The following VSTM4 variants were observed in gnomAD, a reference collection of about 807,000 sequenced individuals.
VSTM4 encodes V-set and transmembrane domain-containing protein 4.
VSTM4 carries 20 observed loss-of-function variants against 36.4 expected under a neutral mutation model. The observed-to-expected ratio is 0.55, with a 90% confidence interval of 0.39 to 0.80. VSTM4 has a LOEUF of 0.80. Among genes scored for constraint, VSTM4 ranks in the 30% least tolerant of loss-of-function variants. The probability of loss-of-function intolerance (pLI) is 0.00; values close to 1 mark genes in which losing one functional copy is unlikely to be tolerated. For missense variants in VSTM4, 392 were observed against 404.5 expected (o/e 0.97, Z 0.26); for synonymous variants, 182 against 173.9 (o/e 1.05, Z -0.37).
chr10:49,101,554 G>A (rs1211565956), intron 2 of VSTM4, among the ~76,000 whole-genome samples: 2 of 152,130 alleles, frequency 1.3e-5, no homozygotes, highest in Non-Finnish European at 2.9e-5. Flanking sequence ...TTAAAACAAT[G>A]AAATATTTTT....
At chr10:49,087,913 A>ATATATATACATATGTAATATATATGTG (rs1844397277) in intron 2 of VSTM4, among the ~76,000 whole-genome samples, 1 of 147,146 alleles carries the variant, frequency 6.8e-6, no homozygotes, top group Non-Finnish European at 1.5e-5. Context: ...TTATATATGT[A>ATATATATACATATGTAATATATATGTG]TATATATACA....
chr10:49,027,794 G>A (rs1371878444), intron 7 of VSTM4, among the ~76,000 whole-genome samples: 1 of 152,232 alleles, frequency 6.6e-6, no homozygotes, highest in Non-Finnish European at 1.5e-5. Context: ...CTCTCTGTTG[G>A]TAAAGAGTAT....
chr10:49,039,996 C>T (rs1316031292), intron 7 of VSTM4, among the ~76,000 whole-genome samples: 1 of 152,310 alleles, frequency 6.6e-6, no homozygotes, highest in Admixed American at 6.5e-5. Flanking sequence ...GCTTCCGAAG[C>T]TTTGCTGCAG....
chr10:49,080,672 T>C (rs1342022701), intron 3 of VSTM4, among the ~76,000 whole-genome samples: 1 of 152,200 alleles, frequency 6.6e-6, no homozygotes, highest in Non-Finnish European at 1.5e-5. Context: ...AGAGGAGGGC[T>C]GGGGCGAGAG....
chr10:49,107,415 G>A (rs1844802184), intron 2 of VSTM4, among the ~76,000 whole-genome samples, 179 bp downstream of exon 2: 1 of 152,220 alleles, frequency 6.6e-6, no homozygotes, highest in Non-Finnish European at 1.5e-5. Flanking sequence ...ATTAGCCAGT[G>A]TCCAGGTAAA....
intron 7 of VSTM4, among the ~76,000 whole-genome samples, chr10:49,032,294 T>G (rs2254151): frequency 0.95 from 144,414 of 152,290 alleles, 68,953 homozygotes; most frequent in East Asian, 1. Context: ...GTGAGCAGCA[T>G]GGCTGGTGTA....
rs1040003568 is a variant in VSTM4 at position 49,015,871 on chromosome 10, G to A, written c.*3779C>T. The A allele has an allele frequency of 1.3e-5, 2 of 152,314 alleles. No individual in the cohort carries two copies. The highest frequency in any genetic ancestry group is 2.4e-5 in the African/African-American group (1 of 41,446). The allele number at this position is 152,314 out of a possible 1,614,324, so 9.4% of individuals were successfully genotyped here. On this transcript the variant is annotated 3_prime_UTR_variant, in exon 8 of 8. Transcript: ENST00000332853. ...CCACGCTGTTCCCTTCCACTTATTG[G>A]TGCCAGTGCCCCTCAGTCCTCCTCT...
rs1283259018 is a variant in VSTM4, at chr10:49,033,238, T to C, written c.838-13463A>G. On this transcript the variant is annotated intron_variant, in intron 7 of 7. Transcript: ENST00000332853. ...AATGAGGTAGATCTATACGTACTGATGTAGAAAGATGTGCCTGAGATATTG... is the reference window on the plus strand; with the variant it reads ...AATGAGGTAGATCTATACGTACTGACGTAGAAAGATGTGCCTGAGATATTG... 3.3e-5 allele frequency among the ~76,000 whole-genome samples: 5 copies of C among 152,316 alleles called. No homozygotes were observed. In the East Asian group the frequency reaches 7.7e-4, roughly 24 times the overall value.
intron 7 of VSTM4, among the ~76,000 whole-genome samples, chr10:49,029,767 A>G (rs540889734): frequency 2.0e-4 from 31 of 152,366 alleles, no homozygotes; most frequent in East Asian, 1.5e-3. Flanking sequence ...ATGAGCTCCA[A>G]CTAAAGGGGA....
chr10:49,114,538 T>C (rs567238762), intron 1 of VSTM4, among the ~76,000 whole-genome samples: 4 of 151,938 alleles, frequency 2.6e-5, no homozygotes, highest in African/African-American at 9.7e-5. Flanking sequence ...ATAGGGATAA[T>C]AATAGCACCT....
intron 1 of VSTM4, among the ~76,000 whole-genome samples, chr10:49,108,425 G>T (rs1200268765): frequency 6.6e-6 from 1 of 151,980 alleles, no homozygotes; most frequent in Non-Finnish European, 1.5e-5. Context: ...TATCAGTTTT[G>T]TCCCTGGCCT....
At chr10:49,097,947 G>A (rs999897239) in intron 2 of VSTM4, among the ~76,000 whole-genome samples, 4 of 152,018 alleles carry the variant, frequency 2.6e-5, no homozygotes, top group African/African-American at 9.7e-5. Context: ...CTGGCCTAAG[G>A]GCATCAAGAA....
Sources: gnomAD v4.1 joint callset for allele counts (sites outside exome capture counted in the v4.1 genomes callset) on GRCh38, gnomAD v4.1.1 for gene constraint, MANE v1.5 for transcripts, NCBI Gene and HGNC (gene_info 2026-07-23, HGNC 2026-07-21) for gene names.